The following SAR1B variants were observed in gnomAD, a reference collection of about 807,000 sequenced individuals.
SAR1B encodes small COPII coat GTPase SAR1B.
Under a neutral mutation model 26.8 loss-of-function variants are expected in SAR1B, and 23 were observed. That is an observed-to-expected ratio of 0.86 (90% CI 0.62 to 1.22). The LOEUF is 1.22. SAR1B is among the 50% of genes most tolerant of loss of function. The pLI is 0.00. For synonymous variants in SAR1B, 65 were observed against 80.8 expected (o/e 0.80, Z 1.05); for missense variants, 196 against 232.8 (o/e 0.84, Z 1.03).
intron 1 of SAR1B, among the ~76,000 whole-genome samples, chr5:134,629,727 A>AC (rs576499830): frequency 3.0e-3 from 459 of 151,576 alleles, no homozygotes; most frequent in Middle Eastern, 0.014. Flanking sequence ...AAACAAACAA[A>AC]AAAAAACAAT....
At chr5:134,611,151 C>T (rs1187829246) in intron 4 of SAR1B, among the ~76,000 whole-genome samples, 1 of 152,086 alleles carries the variant, frequency 6.6e-6, no homozygotes, top group Non-Finnish European at 1.5e-5. Context: ...GGCCTGAGAC[C>T]CCACACCCAG....
intron 3 of SAR1B, chr5:134,614,436 T>C (rs1459885551): frequency 6.6e-6 from 1 of 152,230 alleles, no homozygotes; most frequent in Non-Finnish European, 1.5e-5. Flanking sequence ...TTGAAGAAGG[T>C]TGAATTTTGT....
intron 3 of SAR1B, among the ~76,000 whole-genome samples, chr5:134,616,629 G>T (rs1237867046): frequency 2.6e-5 from 4 of 152,078 alleles, no homozygotes; most frequent in Admixed American, 6.6e-5. Flanking sequence ...GGCTATTTAA[G>T]ATACAGAACA....
chr5:134,620,569 C>A (rs900483767), intron 3 of SAR1B, among the ~76,000 whole-genome samples: 2 of 152,078 alleles, frequency 1.3e-5, no homozygotes, highest in Non-Finnish European at 2.9e-5. Context: ...GCCCCCCAAA[C>A]AAAAAACTTG....
intron 3 of SAR1B, chr5:134,613,599 TC>T (rs1765257158): frequency 6.6e-6 from 1 of 152,212 alleles, no homozygotes; most frequent in Non-Finnish European, 1.5e-5. Flanking sequence ...TCTCTATTCT[TC>T]CTGCTGAAAA....
chr5:134,612,726 G>A lies in SAR1B; in HGVS notation c.209C>T (p.Thr70Met), dbSNP rs376731426. The change falls in exon 4 of 7, where the codon ACG becomes ATG. Residue 70 changes from threonine to methionine, a missense_variant. By Grantham distance (81) the Thr-to-Met change is moderately conservative. Coordinates refer to ENST00000402673, the MANE Select transcript of SAR1B (RefSeq NM_016103.4). ...TCCACCCAGATCAAAAGTTGTAAAC[G>A]TCATGCCAGCAATGGTCAGTTCTTC... Reference protein sequence around the residue: ...TSEELTIAGMTFTTFDLGGHV... With the variant: ...TSEELTIAGMMFTTFDLGGHV... The A allele has an allele frequency of 8.1e-6, 12 of 1,473,338 alleles. No individual in the cohort carries two copies. Among genetic ancestry groups the A allele is most frequent in the East Asian group, 6.7e-5 (2 of 29,676 alleles). 91.3% of individuals were successfully genotyped at this position (1,473,338 alleles called of 1,614,324 possible). A position where few individuals can be genotyped will look rare whatever the true frequency, so the allele number is the denominator to read the frequency against.
chr5:134,627,152 C>T (rs1314916620), intron 1 of SAR1B, among the ~76,000 whole-genome samples: 2 of 151,820 alleles, frequency 1.3e-5, no homozygotes, highest in Non-Finnish European at 2.9e-5. Context: ...CCCAGGTTCA[C>T]GCCATTCTCC....
At chr5:134,615,496 C>T (rs1765294007) in intron 3 of SAR1B, among the ~76,000 whole-genome samples, 1 of 150,576 alleles carries the variant, frequency 6.6e-6, no homozygotes, top group Non-Finnish European at 1.5e-5. Flanking sequence ...GCCTGGGCAA[C>T]AGAGAGAGAT....
chr5:134,625,562 A>C (rs1170023321), intron 1 of SAR1B, among the ~76,000 whole-genome samples: 1 of 152,200 alleles, frequency 6.6e-6, no homozygotes, highest in Non-Finnish European at 1.5e-5. Context: ...AGCCAAAAAC[A>C]GAAAAGGGTG....
intron 1 of SAR1B, among the ~76,000 whole-genome samples, chr5:134,626,662 A>C (rs1227830233): frequency 6.6e-6 from 1 of 152,248 alleles, no homozygotes; most frequent in African/African-American, 2.4e-5. Flanking sequence ...GTAATGGAAC[A>C]GAATCTCAGA....
chr5:134,610,221 C>T (rs1765191007), intron 4 of SAR1B, among the ~76,000 whole-genome samples: 1 of 151,970 alleles, frequency 6.6e-6, no homozygotes, highest in South Asian at 2.1e-4. Flanking sequence ...AATCCCAGCA[C>T]TTTGGAAGGC....
At chr5:134,622,389 T>C (rs1765424614) in intron 2 of SAR1B, among the ~76,000 whole-genome samples, 1 of 151,784 alleles carries the variant, frequency 6.6e-6, no homozygotes, top group Non-Finnish European at 1.5e-5. Flanking sequence ...AACATATTTG[T>C]ATAATTACAA....
chr5:134,611,557 C>T (rs1020791277), intron 4 of SAR1B, among the ~76,000 whole-genome samples: 74 of 151,472 alleles, frequency 4.9e-4, no homozygotes, highest in African/African-American at 1.6e-3. Flanking sequence ...CCCATCTCTA[C>T]AAAAAAAATT....
intron 5 of SAR1B, 33 bp from the exon 6 acceptor site, chr5:134,608,536 T>C (rs375942467): frequency 5.0e-6 from 8 of 1,601,392 alleles, no homozygotes; most frequent in Admixed American, 1.7e-5. Flanking sequence ...AAACAAGAGT[T>C]GATATGAAAC....
In SAR1B at chr5:134,603,815, AAAAAAAC is replaced by A. The variant is rs1312433328; in HGVS notation, c.*3128_*3134del. 3 of 152,154 alleles carry A rather than the reference AAAAAAAC, an allele frequency of 2.0e-5. No individual in the cohort carries two copies. In the East Asian group the frequency reaches 5.8e-4, roughly 29 times the overall value. The allele number at this position is 152,154 out of a possible 1,614,324, so 9.4% of individuals were successfully genotyped here. On this transcript the variant is annotated 3_prime_UTR_variant, in exon 7 of 7. Transcript: ENST00000402673. ...CTCCATCTCAAAAAAAACAAAAAAC[AAAAAAAC>A]AAAAAACAAAAACAAAAGATGAGCC...
intron 2 of SAR1B, 110 bp downstream of exon 2, chr5:134,623,852 T>A (rs949008005): frequency 2.6e-6 from 2 of 767,620 alleles, no homozygotes; most frequent in African/African-American, 3.5e-5. Flanking sequence ...CCCATATTCT[T>A]AACTATTCTT....
intron 4 of SAR1B, among the ~76,000 whole-genome samples, chr5:134,610,158 T>C (rs1265569581): frequency 6.6e-6 from 1 of 151,934 alleles, no homozygotes; most frequent in Non-Finnish European, 1.5e-5. Context: ...GAAATTAATA[T>C]CAGGTACAAG....
chr5:134,629,368 G>C (rs1382962977), intron 1 of SAR1B, among the ~76,000 whole-genome samples: 1 of 151,586 alleles, frequency 6.6e-6, no homozygotes, highest in East Asian at 1.9e-4. Flanking sequence ...AGACCAGACT[G>C]GGCAACATGG....
intron 3 of SAR1B, among the ~76,000 whole-genome samples, chr5:134,616,551 G>C (rs1377582549): frequency 2.6e-5 from 4 of 152,040 alleles, no homozygotes; most frequent in Non-Finnish European, 4.4e-5. Context: ...ATAATGCTTA[G>C]TTAGCAAACC....
Sources: gnomAD v4.1 joint callset for allele counts (sites outside exome capture counted in the v4.1 genomes callset) on GRCh38, gnomAD v4.1.1 for gene constraint, MANE v1.5 for transcripts, NCBI Gene and HGNC (gene_info 2026-07-23, HGNC 2026-07-21) for gene names.